SFPQ: variants seen among roughly 807,000 people sequenced by gnomAD.
The protein encoded by SFPQ is splicing factor proline and glutamine rich.
SFPQ carries 11 observed loss-of-function variants against 72.9 expected under a neutral mutation model. The ratio of observed to expected loss-of-function variants is 0.15; its 90% CI spans 0.09 to 0.25. The LOEUF (loss-of-function observed/expected upper bound fraction) is 0.25, where lower values mean the gene tolerates loss of function less well. Among genes scored for constraint, SFPQ ranks in the 10% least tolerant of loss-of-function variants. SFPQ has a pLI of 1.00. For missense variants in SFPQ, 847 were observed against 993.3 expected (o/e 0.85, Z 1.98); for synonymous variants, 506 against 367.3 (o/e 1.38, Z -4.32).
At position 35,192,821 on chromosome 1, in the gene SFPQ, G is replaced by A. The variant is rs763571943; in HGVS notation, c.229C>T (p.Pro77Ser). ...TGCGGTGGCGGCTGCTGCGGCGGTG[G>A]CTGCTGCGGTGGTGGCTGTTGCTGC... is the stretch of plus-strand genomic sequence containing the variant. ...QQQQQPPPQQ[P>S]PPQQPPPHQP... Residue 77 changes from proline (P) to serine (S), a missense_variant, in exon 1 of 10, where the codon CCA (proline) becomes TCA (serine). This residue lies in a region of SFPQ where 498 missense variants were observed against 405.1 expected (regional missense o/e 1.23). Coordinates refer to ENST00000357214, the MANE Select transcript of SFPQ (RefSeq NM_005066.3). 108 of 1,508,926 alleles carry A rather than the reference G, an allele frequency of 7.2e-5. No homozygotes were observed. The highest frequency in any genetic ancestry group is 9.0e-5 in the Non-Finnish European group (102 of 1,135,434). 93.5% of individuals were successfully genotyped at this position (1,508,926 alleles called of 1,614,324 possible).
At chr1:35,180,796 C>G, downstream of SFPQ, 1 of 985,394 alleles carries the variant, frequency 1.0e-6, no homozygotes, top group Non-Finnish European at 1.2e-6. Context: ...TAAAAGCACC[C>G]TAGTTCCCAA....
At chr1:35,182,871 C>CG (rs1639528112), downstream of SFPQ, 1 of 1,045,810 alleles carries the variant, frequency 9.6e-7, no homozygotes, top group African/African-American at 1.7e-5. Flanking sequence ...CTTTAATAGT[C>CG]AAAGTCTCTT....
At chr1:35,182,879 C>A (rs1051186757), downstream of SFPQ, 1 of 1,045,916 alleles carries the variant, frequency 9.6e-7, no homozygotes, top group Non-Finnish European at 1.2e-6. Context: ...GTCAAAGTCT[C>A]TTGTTCTAAT....
chr1:35,187,867 A>G, intron 7 of SFPQ, 106 bp downstream of exon 7: 1 of 723,886 alleles, frequency 1.4e-6, no homozygotes, highest in South Asian at 1.7e-5. Context: ...TTAGAAAAAA[A>G]GCAGAAAATA....
chr1:35,181,328 C>T (rs1158963880), downstream of SFPQ: 4 of 1,065,382 alleles, frequency 3.8e-6, no homozygotes, highest in Non-Finnish European at 4.5e-6. Context: ...AAACATTCCG[C>T]CACAACTTAG....
At chr1:35,179,740 G>C (rs1255815282), downstream of SFPQ, 2 of 1,056,562 alleles carry the variant, frequency 1.9e-6, no homozygotes, top group Non-Finnish European at 2.3e-6. Context: ...TAAAGTTCCT[G>C]AAGTCCATAT....
intron 7 of SFPQ, 109 bp from the exon 8 acceptor site, chr1:35,187,360 A>C: frequency 1.0e-6 from 1 of 992,638 alleles, no homozygotes. Context: ...AAAGTTCAAA[A>C]GTTCATCATG....
chr1:35,183,321 A>T lies in SFPQ; in HGVS notation c.*1135T>A. On this transcript the variant is annotated 3_prime_UTR_variant, in exon 10 of 10. Coordinates refer to ENST00000357214, the MANE Select transcript of SFPQ (RefSeq NM_005066.3). Reference sequence around the variant, plus strand: ...GCAACCTCCATCTCCAGGTTCAAGCAATTCTCCTGGCTCAGCCTCCCGAGT... The same window carrying T: ...GCAACCTCCATCTCCAGGTTCAAGCTATTCTCCTGGCTCAGCCTCCCGAGT... The T allele has an allele frequency of 2.9e-6, 1 of 343,152 alleles. No individual in the cohort carries two copies. The highest frequency in any genetic ancestry group is 1.2e-4 in the South Asian group (1 of 8,078). 21.3% of individuals were successfully genotyped at this position (343,152 alleles called of 1,614,324 possible).
At chr1:35,192,131 G>A (rs1183219131) in intron 1 of SFPQ, 91 bp downstream of exon 1, 6 of 1,117,146 alleles carry the variant, frequency 5.4e-6, no homozygotes, top group Non-Finnish European at 4.5e-6. Flanking sequence ...TCCGGCAGCC[G>A]ACAAAATGGA....
In SFPQ at chr1:35,183,367, G is replaced by T. The variant is rs1215983757; in HGVS notation, c.*1089C>A. 6.6e-5 allele frequency: 18 copies of T among 273,786 alleles called. No individual in the cohort carries two copies. Among genetic ancestry groups the T allele is most frequent in the Non-Finnish European group, 2.3e-5 (4 of 173,810 alleles). The allele number at this position is 273,786 out of a possible 1,614,324, so 17.0% of individuals were successfully genotyped here. ...CGAGTAGCTGGGATTACAGGCGCCT[G>T]CCACCACGCCCAGCTAATTTTTTGT... On this transcript the variant is annotated 3_prime_UTR_variant, in exon 10 of 10. Transcript: ENST00000357214.
chr1:35,179,209 G>C, downstream of SFPQ: 1 of 1,061,356 alleles, frequency 9.4e-7, no homozygotes, highest in African/African-American at 1.6e-5. Context: ...CAGGACTGTG[G>C]ATCATGTCAC....
At chr1:35,178,375 A>G (rs1004353640), downstream of SFPQ, 9 of 1,064,512 alleles carry the variant, frequency 8.5e-6, no homozygotes, top group Admixed American at 3.7e-4. Flanking sequence ...ACCTCACCAA[A>G]TGAGTTTTAA....
At chr1:35,187,767 A>G (rs898948702) in intron 7 of SFPQ, among the ~76,000 whole-genome samples, 1 of 151,900 alleles carries the variant, frequency 6.6e-6, no homozygotes, top group Non-Finnish European at 1.5e-5. Context: ...ACAAAACAAA[A>G]CAAAAAAACC....
At chr1:35,187,946 A>C (rs780525524) in intron 7 of SFPQ, 27 bp downstream of exon 7, 2 of 1,437,918 alleles carry the variant, frequency 1.4e-6, no homozygotes, top group Non-Finnish European at 2.0e-6. Flanking sequence ...GACAACTCCA[A>C]TTGGAAGGCA....
At chr1:35,188,421 G>A (rs1386841604) in intron 6 of SFPQ, among the ~76,000 whole-genome samples, 1 of 152,192 alleles carries the variant, frequency 6.6e-6, no homozygotes, top group Admixed American at 6.6e-5. Context: ...ATTAAGGCCA[G>A]GGTTGGTAGT....
At chr1:35,192,075 C>T in intron 1 of SFPQ, 147 bp downstream of exon 1, 1 of 526,908 alleles carries the variant, frequency 1.9e-6, no homozygotes, top group Non-Finnish European at 2.8e-6. Context: ...CGACCGACGG[C>T]CCCGCAGGCC....
Position 35,187,245 on chromosome 1 carries a change from T to C in SFPQ, c.1822A>G (p.Arg608Gly). 1 of 1,614,112 alleles carries C rather than the reference T, an allele frequency of 6.2e-7. No homozygotes were observed. The highest frequency in any genetic ancestry group is 8.5e-7 in the Non-Finnish European group (1 of 1,179,950). ...CCTCCGCCACCCATTCGCATGTCTC[T>C]TTCCCGCTGCAAGAAAAAAATTCCT... ...SRMGYMDPRERDMRMGGGGAM... is the reference protein window; with the variant it reads ...SRMGYMDPREGDMRMGGGGAM... The change falls in exon 8 of 10, where the codon AGA becomes GGA. Residue 608 changes from arginine (R) to glycine (G), a missense_variant. By Grantham distance (125) the Arg-to-Gly change is moderately radical (BLOSUM62 -2). Coordinates refer to ENST00000357214, the MANE Select transcript of SFPQ (RefSeq NM_005066.3).
At chr1:35,182,429 A>G, downstream of SFPQ, 2 of 985,386 alleles carry the variant, frequency 2.0e-6, no homozygotes, top group Non-Finnish European at 2.4e-6. Flanking sequence ...TATAATGAGC[A>G]TTACTTTCTA....
chr1:35,177,902 T>A, intron 4 of SFPQ: 1 of 490,128 alleles, frequency 2.0e-6, no homozygotes, highest in Non-Finnish European at 2.9e-6. Context: ...ATCTCAAATA[T>A]CGAAGTTTCA....
Sources: allele counts gnomAD v4.1 joint callset (sites outside exome capture counted in the v4.1 genomes callset), GRCh38; gene constraint gnomAD v4.1.1; regional missense constraint gnomAD v4.1.1; transcripts MANE v1.5; gene names NCBI Gene and HGNC (gene_info 2026-07-23, HGNC 2026-07-21).